SNHG17: variants seen among roughly 807,000 people sequenced by gnomAD.
The protein encoded by SNHG17 is small nucleolar RNA host gene 17 (non-protein coding).
intron 2 of SNHG17, chr20:38,432,258 G>C: frequency 1.4e-6 from 1 of 702,824 alleles, no homozygotes; most frequent in Non-Finnish European, 1.7e-6. Context: ...AGAAGAACCA[G>C]TCATCAGGGA....
exon 1 of SNHG17, chr20:38,435,231 G>A: frequency 8.1e-7 from 1 of 1,231,996 alleles, no homozygotes; most frequent in Non-Finnish European, 1.0e-6. Flanking sequence ...GCGGAGACCT[G>A]ACAGACAGCG....
chr20:38,423,341 G>T (rs1209212603), intron 5 of SNHG17, among the ~76,000 whole-genome samples: 1 of 147,056 alleles, frequency 6.8e-6, no homozygotes, highest in East Asian at 2.0e-4. Context: ...AGGTTGCAGT[G>T]AGCAAACACA....
At chr20:38,427,462 C>T (rs773434416) in intron 3 of SNHG17, 6 of 509,592 alleles carry the variant, frequency 1.2e-5, no homozygotes, top group Non-Finnish European at 2.4e-5. Flanking sequence ...GACAGGAGAG[C>T]CAGGAAGGGC....
At chr20:38,426,808 A>G (rs1034094843) in intron 3 of SNHG17, among the ~76,000 whole-genome samples, 2 of 150,726 alleles carry the variant, frequency 1.3e-5, no homozygotes, top group Admixed American at 1.3e-4. Flanking sequence ...CAGAGGGTCG[A>G]GAGAACAGGC....
At chr20:38,420,933 G>C (rs1369483083) in intron 7 of SNHG17, 2 of 152,100 alleles carry the variant, frequency 1.3e-5, no homozygotes, top group Non-Finnish European at 2.9e-5. Flanking sequence ...CCAGTGATTT[G>C]AGGTTCCCAT....
chr20:38,433,905 C>T (rs759160527), intron 2 of SNHG17: 1 of 519,210 alleles, frequency 1.9e-6, no homozygotes, highest in Admixed American at 1.9e-5. Flanking sequence ...AGGAGCGGAC[C>T]CTCCAAACAC....
chr20:38,422,260 CAT>C (rs2084166862), intron 5 of SNHG17: 1 of 150,218 alleles, frequency 6.7e-6, no homozygotes, highest in Admixed American at 6.6e-5. Context: ...TGCAAAGAAA[CAT>C]ATTCCAGACA....
chr20:38,422,826 C>T (rs1315802242), intron 5 of SNHG17, among the ~76,000 whole-genome samples: 1 of 152,100 alleles, frequency 6.6e-6, no homozygotes, highest in Non-Finnish European at 1.5e-5. Context: ...CGCGGTGGCT[C>T]ACACCTGTAA....
At chr20:38,432,508 A>G (rs2084356126) in intron 2 of SNHG17, among the ~76,000 whole-genome samples, 1 of 152,182 alleles carries the variant, frequency 6.6e-6, no homozygotes, top group African/African-American at 2.4e-5. Context: ...TTGGTCGCTG[A>G]CATCACAATG....
intron 5 of SNHG17, among the ~76,000 whole-genome samples, chr20:38,424,078 T>C (rs1002912589): frequency 1.3e-5 from 2 of 150,308 alleles, no homozygotes; most frequent in Non-Finnish European, 2.9e-5. Context: ...GGCTGAGGCA[T>C]GAGAATCACT....
chr20:38,423,609 G>T (rs1421126714), intron 5 of SNHG17, among the ~76,000 whole-genome samples: 1 of 150,780 alleles, frequency 6.6e-6, no homozygotes, highest in East Asian at 2.0e-4. Context: ...TAATTACCAT[G>T]GGCAGGAGCT....
At chr20:38,431,010 G>A in intron 3 of SNHG17, 1 of 152,540 alleles carries the variant, frequency 6.6e-6, no homozygotes, top group East Asian at 1.9e-4. Context: ...GAGAACTTGA[G>A]CTCTAGAGGA....
chr20:38,433,902 G>A (rs1398868502), intron 2 of SNHG17: 2 of 519,124 alleles, frequency 3.9e-6, no homozygotes, highest in African/African-American at 3.8e-5. Context: ...GACAGGAGCG[G>A]ACCCTCCAAA....
intron 2 of SNHG17, chr20:38,433,964 G>A (rs916051630): frequency 3.9e-6 from 2 of 519,186 alleles, no homozygotes; most frequent in Admixed American, 3.9e-5. Context: ...AATGACCAGG[G>A]CACAGGCAGC....
intron 6 of SNHG17, chr20:38,421,808 G>T: frequency 6.5e-6 from 1 of 152,854 alleles, no homozygotes; most frequent in Non-Finnish European, 1.5e-5. Context: ...CAGCAAGGGA[G>T]GGAGGCTGGT....
Position 38,423,789 on chromosome 20 carries a change from C to T in SNHG17, n.580-1548G>A, listed in dbSNP as rs184917950. Among the ~76,000 whole-genome samples, 192 of 152,298 alleles carry T rather than the reference C, an allele frequency of 1.3e-3. 1 individual carries two copies. The Middle Eastern group carries it at 0.014, about 11-fold the overall frequency. ...GTGAGATAACAGACATGCTCATCGGCTTCACCATAGTAACCACTGTGCTAT... is the reference window on the plus strand; with the variant it reads ...GTGAGATAACAGACATGCTCATCGGTTTCACCATAGTAACCACTGTGCTAT... On this transcript the variant is annotated intron_variant and non_coding_transcript_variant, in intron 5 of 8. Transcript: ENST00000654008.
intron 3 of SNHG17, chr20:38,429,865 T>C: frequency 2.0e-6 from 1 of 507,342 alleles, no homozygotes; most frequent in South Asian, 1.4e-5. Context: ...GGCAATGGTC[T>C]CACCTGGAAC....
intron 5 of SNHG17, among the ~76,000 whole-genome samples, chr20:38,425,765 T>C (rs1426722511): frequency 2.0e-5 from 3 of 152,164 alleles, no homozygotes; most frequent in Admixed American, 6.5e-5. Context: ...TGTGTGATAC[T>C]ATCCACACGT....
intron 5 of SNHG17, among the ~76,000 whole-genome samples, chr20:38,423,975 C>G (rs985616759): frequency 6.6e-6 from 1 of 152,072 alleles, no homozygotes; most frequent in African/African-American, 2.4e-5. Flanking sequence ...ACTTCGAGAC[C>G]AGCCTGGCCA....
Sources: gnomAD v4.1 joint callset for allele counts (sites outside exome capture counted in the v4.1 genomes callset) on GRCh38, gnomAD v4.1.1 for gene constraint, MANE v1.5 for transcripts, NCBI Gene and HGNC (gene_info 2026-07-23, HGNC 2026-07-21) for gene names.